The following ITGB7 variants were observed in gnomAD, a reference collection of about 807,000 sequenced individuals.
ITGB7 encodes the protein integrin beta-7.
A neutral mutation model predicts 83.4 loss-of-function variants in ITGB7; 55 were observed. The ratio of observed to expected loss-of-function variants is 0.66; its 90% confidence interval spans 0.53 to 0.83. ITGB7 has a LOEUF of 0.83. Among genes scored for constraint, ITGB7 ranks in the 40% least tolerant of loss-of-function variants. ITGB7 has a pLI of 0.00. For missense variants in ITGB7, 921 were observed against 1,046.7 expected, an observed-to-expected ratio of 0.88 and a Z score of 1.66; for synonymous variants, 454 against 423.6, an observed-to-expected ratio of 1.07 and a Z score of -0.88.
At position 53,200,358 on chromosome 12, in the gene ITGB7, C is replaced by G. The variant is rs764802673; in HGVS notation, c.86G>C (p.Gly29Ala). The change falls in exon 3 of 16, where the codon GGG becomes GCG. Residue 29 changes from glycine (G) to alanine (A), a missense_variant. Physicochemically the swap from Gly to Ala is moderately conservative, Grantham distance 60. Transcript: ENST00000267082. ...AGGATTCCGCCATTCTGTGGCATCCCCTGTGGATGGGATCTTGGCGTCCAA... is the reference window on the plus strand; with the variant it reads ...AGGATTCCGCCATTCTGTGGCATCCGCTGTGGATGGGATCTTGGCGTCCAA... ...SELDAKIPST[G>A]DATEWRNPHL... 1.9e-6 allele frequency: 3 copies of G among 1,614,034 alleles called. No individual in the cohort carries two copies. The African/African-American group carries it at 4.0e-5, about 22-fold the overall frequency.
At chr12:53,195,522 G>A (rs1016848199) in intron 8 of ITGB7, 59 bp from the exon 9 acceptor site, 102 of 1,535,710 alleles carry the variant, frequency 6.6e-5, no homozygotes, top group Non-Finnish European at 8.5e-5. Flanking sequence ...ATGGGCTCCC[G>A]GAGGTCTGGA....
At chr12:53,203,647 C>CAAAAAAAAAAAAAAAA (rs1158624130) in intron 1 of ITGB7, among the ~76,000 whole-genome samples, 5 of 51,060 alleles carry the variant, frequency 9.8e-5, no homozygotes, top group Middle Eastern at 0.013. Context: ...GACCCTGTCT[C>CAAAAAAAAAAAAAAAA]AAAAAAAAAA....
chr12:53,205,890 C>T (rs911713629), intron 1 of ITGB7, among the ~76,000 whole-genome samples: 16 of 152,250 alleles, frequency 1.1e-4, no homozygotes, highest in East Asian at 1.9e-4. Flanking sequence ...CTCCACCCCT[C>T]GGGGAGAGGC....
At chr12:53,198,035 C>T (rs548984663) in intron 3 of ITGB7, 84 bp from the exon 4 acceptor site, 1 of 1,096,322 alleles carries the variant, frequency 9.1e-7, no homozygotes, top group African/African-American at 1.6e-5. Flanking sequence ...CAAACCCGGC[C>T]ACCTCTAATG....
In ITGB7 at chr12:53,194,376, G is replaced by A. The variant is rs143968353; in HGVS notation, c.1162-32C>T. On this transcript the variant is annotated intron_variant, in intron 9 of 15. Transcript: ENST00000267082. ...GAAGAGAGCGAGTGGATAACCACGT[G>A]AAGGCAGAAAAGGACTCCAACCCCA... The A allele has an allele frequency of 1.6e-5, 25 of 1,611,194 alleles. No homozygotes were observed. In the African/African-American group the frequency reaches 3.3e-4, roughly 21 times the overall value.
At position 53,197,658 on chromosome 12, in the gene ITGB7, G is replaced by C; in HGVS notation, c.409C>G (p.Pro137Ala). The C allele has an allele frequency of 3.7e-6, 6 of 1,613,596 alleles. No individual in the cohort carries two copies. The highest frequency in any genetic ancestry group is 5.1e-6 in the Non-Finnish European group (6 of 1,179,780). The change falls in exon 5 of 16, where the codon CCC becomes GCC. Residue 137 changes from proline (P) to alanine (A), a missense_variant. By Grantham distance (27) the Pro-to-Ala change is conservative. Coordinates refer to ENST00000267082, the MANE Select transcript of ITGB7 (RefSeq NM_000889.3). The stretch of plus-strand genomic sequence containing the variant: ...AGGAAGCGGACCTGGAGCTGCTGGG[G>C]CTCCCCTAGGGGGTGGGCGGCGGGC... ...RVRVTLRPGE[P>A]QQLQVRFLRA...
In ITGB7 at chr12:53,192,386, A is replaced by C; in HGVS notation, c.2099T>G (p.Phe700Cys). 1 of 1,614,014 alleles carries C rather than the reference A, an allele frequency of 6.2e-7. No homozygotes were observed. The highest frequency in any genetic ancestry group is 1.3e-5 in the African/African-American group (1 of 74,988). Reference sequence around the variant, plus strand: ...GCCTCTGGCGTCATCCTCCACCAAGAAGAAGAACAGCTGGTTGTCCAGGGT... The same window carrying C: ...GCCTCTGGCGTCATCCTCCACCAAGCAGAAGAACAGCTGGTTGTCCAGGGT... Reference protein sequence around the residue: ...ERTLDNQLFFFLVEDDARGTV... With the variant: ...ERTLDNQLFFCLVEDDARGTV... The change falls in exon 14 of 16, where the codon TTC becomes TGC. Residue 700 changes from phenylalanine to cysteine, a missense_variant. Transcript: ENST00000267082.
chr12:53,192,918 A>G lies in ITGB7; in HGVS notation c.1727-8T>C. The G allele has an allele frequency of 6.2e-7, 1 of 1,612,372 alleles. No individual in the cohort carries two copies. Among genetic ancestry groups the G allele is most frequent in the Non-Finnish European group, 8.5e-7 (1 of 1,178,676 alleles). On this transcript the variant is annotated splice_region_variant and splice_polypyrimidine_tract_variant and intron_variant, in intron 12 of 15. Coordinates refer to ENST00000267082, the MANE Select transcript of ITGB7 (RefSeq NM_000889.3). ...ATTGGCAGCGACCAAAGCCTGGGGT[A>G]GAGCCATGCAGAGGGTGACAACCAT...
At chr12:53,195,765 C>G in intron 7 of ITGB7, 44 bp from the exon 8 acceptor site, 1 of 1,500,074 alleles carries the variant, frequency 6.7e-7, no homozygotes, top group Non-Finnish European at 9.3e-7. Flanking sequence ...CAGGTTTCCC[C>G]CACAACATGC....
At chr12:53,194,013 T>A in intron 10 of ITGB7, 112 bp from the exon 11 acceptor site, 1 of 1,312,284 alleles carries the variant, frequency 7.6e-7, no homozygotes, top group Non-Finnish European at 1.1e-6. Context: ...TGGGGTCATG[T>A]TAACACCCAA....
chr12:53,192,805 C>T lies in ITGB7; in HGVS notation c.1832G>A (p.Gly611Glu), dbSNP rs11574542. The T allele has an allele frequency of 1.9e-6, 3 of 1,614,114 alleles. No individual in the cohort carries two copies. In the African/African-American group the frequency reaches 4.0e-5, roughly 22 times the overall value. ...DMDSCISPEG[G>E]LCSGHGRCKC... Reference sequence around the variant, plus strand: ...GCAGCGTCCATGCCCACTGCAGAGCCCTCCCTCGGGACTGATGCAACTGTC... The same window carrying T: ...GCAGCGTCCATGCCCACTGCAGAGCTCTCCCTCGGGACTGATGCAACTGTC... The change falls in exon 13 of 16, where the codon GGG (glycine) becomes GAG (glutamate). Residue 611 changes from glycine (G) to glutamate (E), a missense_variant. Gly to Glu is a moderately conservative substitution (Grantham distance 98, BLOSUM62 -2). Coordinates refer to ENST00000267082, the MANE Select transcript of ITGB7 (RefSeq NM_000889.3).
At chr12:53,194,667 G>C (rs148634345) in intron 9 of ITGB7, 4,207 of 260,598 alleles carry the variant, frequency 0.016, 56 homozygotes, top group Non-Finnish European at 0.022. Context: ...TAACCTGGGT[G>C]CATGCCAGGT....
At chr12:53,198,716 C>T (rs1415420968) in intron 3 of ITGB7, among the ~76,000 whole-genome samples, 2 of 147,260 alleles carry the variant, frequency 1.4e-5, no homozygotes, top group Non-Finnish European at 3.0e-5. Context: ...CACAAAAAAA[C>T]AGGGGCCTTG....
intron 1 of ITGB7, among the ~76,000 whole-genome samples, chr12:53,204,926 G>A (rs1942399133): frequency 6.9e-6 from 1 of 145,710 alleles, no homozygotes; most frequent in African/African-American, 2.6e-5. Flanking sequence ...CTGGGTTCAA[G>A]TGAGTCGTGT....
chr12:53,193,677 C>T, intron 11 of ITGB7, 31 bp downstream of exon 11: 10 of 1,574,068 alleles, frequency 6.4e-6, no homozygotes, highest in Non-Finnish European at 8.6e-6. Flanking sequence ...TGTTGGGAGC[C>T]AGGTGGTTGA....
intron 5 of ITGB7, 52 bp downstream of exon 5, chr12:53,197,441 C>T: frequency 1.2e-6 from 2 of 1,601,500 alleles, no homozygotes; most frequent in Non-Finnish European, 1.7e-6. Flanking sequence ...GAGGCTAGGG[C>T]AGTGGTTGAA....
chr12:53,202,018 T>G (rs1288826646), intron 1 of ITGB7, among the ~76,000 whole-genome samples: 2 of 152,298 alleles, frequency 1.3e-5, no homozygotes, highest in Non-Finnish European at 2.9e-5. Context: ...GCCAATTGAT[T>G]TCCAACAAGG....
At position 53,191,649 on chromosome 12, in the gene ITGB7, GT is replaced by G. The variant is rs1220045546; in HGVS notation, c.2317-14del. 1 of 1,609,730 alleles carries G rather than the reference GT, an allele frequency of 6.2e-7. No homozygotes were observed. Among genetic ancestry groups the G allele is most frequent in the Admixed American group, 1.7e-5 (1 of 60,006 alleles). ...GAGGATTACTGTCCTGGAGAAAGATGTTGCAGATTATAAGCAAAAATCCCAG... is the reference window on the plus strand; with the variant it reads ...GAGGATTACTGTCCTGGAGAAAGATGTGCAGATTATAAGCAAAAATCCCAG... On this transcript the variant is annotated splice_polypyrimidine_tract_variant and intron_variant, in intron 15 of 15. Coordinates refer to ENST00000267082, the MANE Select transcript of ITGB7 (RefSeq NM_000889.3).
At chr12:53,206,763 G>T (rs1592417691) in intron 1 of ITGB7, 1 of 152,410 alleles carries the variant, frequency 6.6e-6, no homozygotes, top group East Asian at 1.9e-4. Flanking sequence ...TCCCAGGACA[G>T]TGGAGTCTGT....
Sources: allele counts gnomAD v4.1 joint callset (sites outside exome capture counted in the v4.1 genomes callset), GRCh38; gene constraint gnomAD v4.1.1; transcripts MANE v1.5; gene names NCBI Gene and HGNC (gene_info 2026-07-23, HGNC 2026-07-21).